Variants in USP26 observed in about 807,000 individuals in gnomAD.
USP26 encodes the protein ubiquitin carboxyl-terminal hydrolase 26.
For missense variants in USP26, 649 were observed against 642.3 expected, an observed-to-expected ratio of 1.01 and a Z score of -0.11; for synonymous variants, 236 against 240.6, an observed-to-expected ratio of 0.98 and a Z score of 0.18.
Position 133,026,322 on chromosome X carries a change from A to C in USP26, c.1899T>G (p.Ser633=). Residue 633 remains serine, a synonymous_variant, in exon 6 of 6, where the codon TCT becomes TCG. Transcript: ENST00000511190. ...RQQQKYLGKN[S]KPNELESVYS... The stretch of plus-strand genomic sequence containing the variant: ...ATACAGATTCTAGCTCATTTGGTTT[A>C]GAATTTTTTCCAAGGTACTTTTGCT... 1 of 1,206,698 alleles carries C rather than the reference A, an allele frequency of 8.3e-7. No individual in the cohort carries two copies. Among genetic ancestry groups the C allele is most frequent in the Non-Finnish European group, 1.1e-6 (1 of 894,608 alleles).
chrX:133,039,116 C>T lies in USP26; in HGVS notation c.-76-10820G>A, dbSNP rs1602971479. Among the ~76,000 whole-genome samples the T allele has an allele frequency of 2.7e-5, 3 of 111,150 alleles. No homozygotes were observed. The East Asian group carries it at 8.4e-4, about 31-fold the overall frequency. ...TGTTAATCTTTTCAAAAAACCAGCT[C>T]CTGGACTCATTGATTTTTTTTAACA... On this transcript the variant is annotated intron_variant, in intron 5 of 5. Coordinates refer to ENST00000511190, the MANE Select transcript of USP26 (RefSeq NM_031907.3).
intron 5 of USP26, among the ~76,000 whole-genome samples, chrX:133,045,497 T>C (rs992735897): frequency 1.9e-4 from 21 of 112,056 alleles, no homozygotes; most frequent in African/African-American, 5.8e-4. Context: ...TTGCAATAAA[T>C]CTTGCTACTG....
At chrX:133,058,094 G>A (rs1249352226) in intron 5 of USP26, among the ~76,000 whole-genome samples, 1 of 103,202 alleles carries the variant, frequency 9.7e-6, no homozygotes, top group African/African-American at 3.5e-5. Flanking sequence ...TGTTAGCCAG[G>A]ATGGTCTCGA....
intron 5 of USP26, among the ~76,000 whole-genome samples, chrX:133,033,503 T>C (rs1394977214): frequency 8.9e-6 from 1 of 112,458 alleles, no homozygotes; most frequent in Admixed American, 9.4e-5. Flanking sequence ...TTTTTCATTC[T>C]TTTAAAATTA....
chrX:133,024,277 G>GT lies in USP26; in HGVS notation c.*1201dup, dbSNP rs2067336094. Among the ~76,000 whole-genome samples the GT allele has an allele frequency of 1.9e-5, 2 of 105,233 alleles. No individual in the cohort carries two copies. Among genetic ancestry groups the GT allele is most frequent in the Non-Finnish European group, 3.9e-5 (2 of 51,723 alleles). The allele number at this position is 105,233 out of a possible 115,157, so 91.4% of individuals were successfully genotyped here. A position where few individuals can be genotyped will look rare whatever the true frequency, so the allele number is the denominator to read the frequency against. ...CCACCACACTATAAGGTACAGAGATGTAAAAAAAAAAAAAAAATCTGGAAT... is the reference window on the plus strand; with the variant it reads ...CCACCACACTATAAGGTACAGAGATGTTAAAAAAAAAAAAAAAATCTGGAAT... On this transcript the variant is annotated 3_prime_UTR_variant, in exon 6 of 6. Transcript: ENST00000511190.
At chrX:133,078,856 T>C (rs1040174743) in intron 5 of USP26, among the ~76,000 whole-genome samples, 1 of 112,028 alleles carries the variant, frequency 8.9e-6, no homozygotes, top group Non-Finnish European at 1.9e-5. Flanking sequence ...AAGGAACAAA[T>C]GCAAATAACT....
chrX:133,027,101 T>G lies in USP26; in HGVS notation c.1120A>C (p.Ile374Leu). ...LKKAISAAAE[I>L]FHGNAQNDAH... ...TCGTTCTGTGCATTGCCATGGAATA[T>G]CTCTGCAGCTGCTGAAATGGCCTTT... The change falls in exon 6 of 6, where the codon ATA becomes CTA. Residue 374 changes from isoleucine (I) to leucine (L), a missense_variant. Physicochemically the swap from Ile to Leu is conservative, Grantham distance 5 (BLOSUM62 2). Transcript: ENST00000511190. 1 of 1,210,266 alleles carries G rather than the reference T, an allele frequency of 8.3e-7. No homozygotes were observed. Among genetic ancestry groups the G allele is most frequent in the Non-Finnish European group, 1.1e-6 (1 of 894,178 alleles).
At chrX:133,050,390 T>TA (rs2067454920) in intron 5 of USP26, among the ~76,000 whole-genome samples, 1 of 111,851 alleles carries the variant, frequency 8.9e-6, no homozygotes. Flanking sequence ...TTAACCACCA[T>TA]AAAAATGAAA....
rs150607803 is a variant in USP26 at position 133,061,237 on chromosome X, T to G, written c.-77+22470A>C. Among the ~76,000 whole-genome samples the G allele has an allele frequency of 3.1e-3, 353 of 112,561 alleles. 1 individual carries two copies. The highest frequency in any genetic ancestry group is 5.5e-3 in the Non-Finnish European group (291 of 53,293). On this transcript the variant is annotated intron_variant, in intron 5 of 5. Coordinates refer to ENST00000511190, the MANE Select transcript of USP26 (RefSeq NM_031907.3). ...TTGAAGTTAATGATTTCTCAAGTCC[T>G]AAGATACTGTACTCTGGAACACCTT...
chrX:133,063,773 A>T (rs1462335199), intron 5 of USP26, among the ~76,000 whole-genome samples: 4 of 111,491 alleles, frequency 3.6e-5, no homozygotes, highest in Admixed American at 1.9e-4. Flanking sequence ...CACTGCAAAA[A>T]CACACCAAAA....
intron 1 of USP26, among the ~76,000 whole-genome samples, 167 bp downstream of exon 1, chrX:133,096,863 A>G (rs1406335511): frequency 8.9e-6 from 1 of 112,231 alleles, no homozygotes; most frequent in Non-Finnish European, 1.9e-5. Context: ...CCACTGCACT[A>G]CAGCCTGGAT....
rs1448739919 is a variant in USP26 at position 133,028,115 on chromosome X, CT to C, written c.105del (p.Asp36IlefsTer17). The C allele has an allele frequency of 8.3e-7, 1 of 1,211,235 alleles. No homozygotes were observed. Among genetic ancestry groups the C allele is most frequent in the East Asian group, 3.0e-5 (1 of 33,827 alleles). On this transcript the variant is annotated frameshift_variant, in exon 6 of 6. Coordinates refer to ENST00000511190, the MANE Select transcript of USP26 (RefSeq NM_031907.3). LOFTEE classifies it low-confidence loss of function (END_TRUNC). ...CTTTTGAAATACAGCACCAGTCTAT[CT>C]TTCTTCTTTCTTTCCACTGCTTCAA... ...AFIEAVERKKKDRLVLYFKSG... is the reference protein window; with the variant it reads ...AFIEAVERKKXDRLVLYFKSG...
chrX:133,062,050 C>T (rs144355437), intron 5 of USP26, among the ~76,000 whole-genome samples: 368 of 111,830 alleles, frequency 3.3e-3, no homozygotes, highest in African/African-American at 0.011. Flanking sequence ...AGTCTGAAGT[C>T]GACCTGAGAC....
chrX:133,069,676 G>A (rs1253899047), intron 5 of USP26, among the ~76,000 whole-genome samples: 1 of 111,493 alleles, frequency 9.0e-6, no homozygotes. Flanking sequence ...ATAGGCTTAT[G>A]GGTTTGAACT....
intron 5 of USP26, among the ~76,000 whole-genome samples, chrX:133,078,575 G>A (rs2067558927): frequency 8.9e-6 from 1 of 111,803 alleles, no homozygotes; most frequent in Admixed American, 9.5e-5. Context: ...TTTTCTTTTC[G>A]ACTAAGTTTA....
intron 5 of USP26, among the ~76,000 whole-genome samples, chrX:133,036,332 C>G (rs139388540): frequency 9.1e-6 from 1 of 109,483 alleles, no homozygotes; most frequent in African/African-American, 3.4e-5. Context: ...CCTTTCCCCC[C>G]ACCCACCAGC....
intron 5 of USP26, among the ~76,000 whole-genome samples, chrX:133,059,149 T>G (rs2067486671): frequency 9.0e-6 from 1 of 111,309 alleles, no homozygotes; most frequent in African/African-American, 3.3e-5. Flanking sequence ...CATCTCTGGT[T>G]TTAACTGAGC....
chrX:133,083,498 G>A (rs2148536985), intron 5 of USP26, among the ~76,000 whole-genome samples: 1 of 111,467 alleles, frequency 9.0e-6, no homozygotes, highest in Non-Finnish European at 1.9e-5. Flanking sequence ...ATGGCTTGGT[G>A]CCAGCTATGG....
intron 5 of USP26, among the ~76,000 whole-genome samples, chrX:133,032,616 T>C (rs932120052): frequency 4.5e-5 from 5 of 112,181 alleles, no homozygotes; most frequent in African/African-American, 6.5e-5. Context: ...CGTTTAGCTG[T>C]CTAGTTGCCA....
Sources: allele counts gnomAD v4.1 joint callset (sites outside exome capture counted in the v4.1 genomes callset), GRCh38; gene constraint gnomAD v4.1.1; transcripts MANE v1.5; gene names NCBI Gene and HGNC (gene_info 2026-07-23, HGNC 2026-07-21).